Variants in SPATA6 observed in about 807,000 individuals in gnomAD.
SPATA6 encodes spermatogenesis associated 6, also known as spermatogenesis-associated protein 6.
In SPATA6, 56 loss-of-function variants were observed where a neutral mutation model predicts 65.3. That is an observed-to-expected ratio of 0.86 (90% CI 0.69 to 1.07). The LOEUF (loss-of-function observed/expected upper bound fraction) is 1.07, where lower values mean the gene tolerates loss of function less well. SPATA6 is among the 50% of genes least tolerant of loss of function. SPATA6 has a pLI of 0.00. For missense variants in SPATA6, 590 were observed against 594.8 expected (o/e 0.99, Z 0.08); for synonymous variants, 199 against 213.2 (o/e 0.93, Z 0.58).
intron 11 of SPATA6, chr1:48,325,345 C>T (rs1242026405): frequency 6.0e-6 from 8 of 1,335,560 alleles, no homozygotes; most frequent in Middle Eastern, 1.9e-4. Context: ...TAGAGTCCTC[C>T]CCTGAAGGCA....
At chr1:48,369,452 T>C (rs1220673907) in intron 9 of SPATA6, among the ~76,000 whole-genome samples, 2 of 152,210 alleles carry the variant, frequency 1.3e-5, no homozygotes, top group East Asian at 1.9e-4. Flanking sequence ...CCTGGCTCCT[T>C]TGTTTACCTA....
intron 3 of SPATA6, chr1:48,436,174 AACTTG>A (rs1261440696): frequency 6.0e-5 from 97 of 1,611,004 alleles, no homozygotes; most frequent in Non-Finnish European, 7.8e-5. Context: ...AGGATTTGAC[AACTTG>A]ACTTCTGTCC....
At chr1:48,466,784 A>T (rs533146816) in intron 1 of SPATA6, among the ~76,000 whole-genome samples, 1 of 152,162 alleles carries the variant, frequency 6.6e-6, no homozygotes, top group Non-Finnish European at 1.5e-5. Flanking sequence ...CTGGATAAGG[A>T]TCACAAAGAT....
chr1:48,334,645 G>A (rs1646009663), intron 11 of SPATA6, among the ~76,000 whole-genome samples: 3 of 152,060 alleles, frequency 2.0e-5, no homozygotes, highest in South Asian at 4.1e-4. Flanking sequence ...AAAACAGTAA[G>A]AGCCATCAAT....
At chr1:48,413,055 T>TA in intron 4 of SPATA6, 55 bp downstream of exon 4, 1 of 516,226 alleles carries the variant, frequency 1.9e-6, no homozygotes, top group Non-Finnish European at 2.9e-6. Context: ...ATATATTATA[T>TA]ATTACATCAA....
intron 3 of SPATA6, among the ~76,000 whole-genome samples, chr1:48,438,282 C>A (rs894899207): frequency 7.2e-5 from 11 of 152,136 alleles, no homozygotes; most frequent in African/African-American, 2.4e-4. Context: ...ACAAAGGGAC[C>A]ATCGCCAAGC....
chr1:48,386,749 C>T (rs1046920332), intron 8 of SPATA6, among the ~76,000 whole-genome samples: 2 of 152,142 alleles, frequency 1.3e-5, no homozygotes, highest in African/African-American at 2.4e-5. Flanking sequence ...AAGGAGCTGC[C>T]GGGAGATTGT....
Position 48,399,622 on chromosome 1 carries a change from G to A in SPATA6, c.509C>T (p.Ala170Val), listed in dbSNP as rs776051413. ...HTQDKFIYHL[A>V]PVEKSHGRLQ... ...TCTGCCATGTGATTTTTCAACTGGA[G>A]CCAAATGGTAAATAAATTTATCCTA... Residue 170 changes from alanine (A) to valine (V), a missense_variant, in exon 7 of 13, where the codon GCT (alanine) becomes GTT (valine). Transcript: ENST00000371847. 6.3e-7 allele frequency: 1 copy of A among 1,595,244 alleles called. No homozygotes were observed. Among genetic ancestry groups the A allele is most frequent in the South Asian group, 1.1e-5 (1 of 87,178 alleles).
At chr1:48,392,817 G>A (rs1025781203) in intron 8 of SPATA6, among the ~76,000 whole-genome samples, 1 of 152,032 alleles carries the variant, frequency 6.6e-6, no homozygotes, top group African/African-American at 2.4e-5. Flanking sequence ...TTCACTATGT[G>A]TAAGAGATCC....
At chr1:48,380,815 C>T (rs774996369) in intron 9 of SPATA6, among the ~76,000 whole-genome samples, 2 of 152,062 alleles carry the variant, frequency 1.3e-5, no homozygotes, top group Non-Finnish European at 2.9e-5. Flanking sequence ...TTAATTATTC[C>T]AGGCCTCCTC....
the SPATA6 span, among the ~76,000 whole-genome samples, chr1:48,282,281 T>C: frequency 2.0e-4 from 30 of 151,962 alleles, no homozygotes; most frequent in Admixed American, 3.3e-4. Context: ...TGGGCAAGGA[T>C]TTCATGTCTA....
intron 3 of SPATA6, among the ~76,000 whole-genome samples, chr1:48,439,775 T>C (rs1341029260): frequency 6.6e-6 from 1 of 151,868 alleles, no homozygotes; most frequent in Non-Finnish European, 1.5e-5. Flanking sequence ...AAATGCATCC[T>C]AAGCCACTGG....
intron 3 of SPATA6, chr1:48,435,897 A>G: frequency 6.9e-7 from 1 of 1,443,268 alleles, no homozygotes. Flanking sequence ...TCTTGAAAGG[A>G]AGATAAAACA....
intron 3 of SPATA6, among the ~76,000 whole-genome samples, chr1:48,443,971 A>C (rs903207979): frequency 6.6e-6 from 1 of 152,116 alleles, no homozygotes; most frequent in African/African-American, 2.4e-5. Flanking sequence ...TGGCCTAAAG[A>C]GCTTCCCTCT....
At chr1:48,336,023 T>C (rs539779760) in intron 11 of SPATA6, among the ~76,000 whole-genome samples, 2 of 152,040 alleles carry the variant, frequency 1.3e-5, no homozygotes, top group African/African-American at 2.4e-5. Context: ...AAAAAGCATA[T>C]GAAAAAATGT....
At chr1:48,412,741 C>T (rs1441575780) in intron 4 of SPATA6, among the ~76,000 whole-genome samples, 1 of 152,088 alleles carries the variant, frequency 6.6e-6, no homozygotes, top group Non-Finnish European at 1.5e-5. Flanking sequence ...GTCTCAGCCT[C>T]CCGAGTAGTT....
At chr1:48,318,980 T>TGA in intron 11 of SPATA6, among the ~76,000 whole-genome samples, 1 of 152,216 alleles carries the variant, frequency 6.6e-6, no homozygotes, top group Admixed American at 6.5e-5. Flanking sequence ...TATAGTCAAC[T>TGA]GATTTTTTTA....
intron 11 of SPATA6, among the ~76,000 whole-genome samples, chr1:48,331,989 G>A (rs1054390650): frequency 6.6e-6 from 1 of 152,124 alleles, no homozygotes; most frequent in African/African-American, 2.4e-5. Context: ...CATAAATGAA[G>A]GAGAAATATG....
the SPATA6 span, among the ~76,000 whole-genome samples, chr1:48,272,039 C>G: frequency 6.6e-6 from 1 of 152,010 alleles, no homozygotes; most frequent in Non-Finnish European, 1.5e-5. Context: ...TGAAAATCTC[C>G]TTAGTAGCTT....
Sources: gnomAD v4.1 joint callset for allele counts (sites outside exome capture counted in the v4.1 genomes callset) on GRCh38, gnomAD v4.1.1 for gene constraint, MANE v1.5 for transcripts, NCBI Gene and HGNC (gene_info 2026-07-23, HGNC 2026-07-21) for gene names.